The following ESRRG variants were observed in gnomAD, a reference collection of about 807,000 sequenced individuals.
ESRRG encodes estrogen-related receptor gamma.
Under a neutral mutation model 44.0 loss-of-function variants are expected in ESRRG, and 13 were observed. That is an observed-to-expected ratio of 0.30 (90% CI 0.19 to 0.47). ESRRG has a LOEUF of 0.47. Ranked by LOEUF, ESRRG falls within the 20% of genes least tolerant of loss-of-function variation. The pLI, the probability that ESRRG is intolerant of heterozygous loss-of-function variation, is 1.00. For missense variants in ESRRG, 395 were observed against 580.6 expected (o/e 0.68, Z 3.29); for synonymous variants, 215 against 214.6 (o/e 1.00, Z -0.02).
intron 3 of ESRRG, among the ~76,000 whole-genome samples, chr1:216,622,020 G>A (rs940938661): frequency 1.1e-4 from 16 of 152,186 alleles, no homozygotes; most frequent in Non-Finnish European, 2.4e-4. Flanking sequence ...TGAGCTGGAT[G>A]ACTACTGTCT....
chr1:217,125,546 C>T lies in ESRRG; in HGVS notation c.-230+12121G>A, dbSNP rs528462579. On this transcript the variant is annotated intron_variant, in intron 1 of 8. Coordinates refer to the ESRRG transcript ENST00000366940. ...CATGCCATTTTGGTCATTTCTTTTCCTCAAGTGCTTAACATAGTATTTGAT... is the reference window on the plus strand; with the variant it reads ...CATGCCATTTTGGTCATTTCTTTTCTTCAAGTGCTTAACATAGTATTTGAT... 1.8e-4 allele frequency among the ~76,000 whole-genome samples: 28 copies of T among 152,210 alleles called. No individual in the cohort carries two copies. The South Asian group carries it at 5.6e-3, about 30-fold the overall frequency.
At chr1:216,982,054 T>C (rs903570536) in intron 1 of ESRRG, among the ~76,000 whole-genome samples, 1 of 152,164 alleles carries the variant, frequency 6.6e-6, no homozygotes, top group Admixed American at 6.5e-5. Flanking sequence ...ATTCTCCATA[T>C]TTTTCTCCTC....
At chr1:217,022,329 G>T (rs932660090) in intron 1 of ESRRG, among the ~76,000 whole-genome samples, 1 of 152,106 alleles carries the variant, frequency 6.6e-6, no homozygotes, top group African/African-American at 2.4e-5. Flanking sequence ...CAAAATAGGC[G>T]GGTGGAAGGG....
chr1:216,847,969 C>T (rs1010624192), intron 2 of ESRRG, among the ~76,000 whole-genome samples: 6 of 152,092 alleles, frequency 3.9e-5, no homozygotes, highest in Admixed American at 2.0e-4. Context: ...TATAGGACAG[C>T]GTTTCTCGAC....
chr1:216,776,774 A>G (rs1156941170), intron 2 of ESRRG, among the ~76,000 whole-genome samples: 1 of 152,138 alleles, frequency 6.6e-6, no homozygotes, highest in Admixed American at 6.6e-5. Flanking sequence ...AAGACCCCCC[A>G]GTCCTGATCA....
chr1:216,698,322 C>A (rs865951395), intron 1 of ESRRG, among the ~76,000 whole-genome samples: 8 of 151,902 alleles, frequency 5.3e-5, no homozygotes, highest in African/African-American at 1.9e-4. Context: ...TCGAGACCAT[C>A]CTGGCTAACA....
chr1:217,134,262 G>C (rs1046768633), intron 1 of ESRRG, among the ~76,000 whole-genome samples: 1 of 152,162 alleles, frequency 6.6e-6, no homozygotes, highest in Non-Finnish European at 1.5e-5. Context: ...CACCGACACA[G>C]ACTGGCGCTG....
In ESRRG at chr1:216,798,925, T is replaced by C. The variant is rs558715286; in HGVS notation, c.-13-121434A>G. Among the ~76,000 whole-genome samples the C allele has an allele frequency of 6.6e-5, 10 of 152,264 alleles. No individual in the cohort carries two copies. The East Asian group carries it at 1.4e-3, about 21-fold the overall frequency. On this transcript the variant is annotated intron_variant, in intron 2 of 7. Transcript: ENST00000359162. ...ATTAATAATACCAGTTAAGTGATCATGAATAGGTATATAAATCATTGTCAC... is the reference window on the plus strand; with the variant it reads ...ATTAATAATACCAGTTAAGTGATCACGAATAGGTATATAAATCATTGTCAC...
At chr1:216,633,091 C>T (rs1427417224) in intron 3 of ESRRG, among the ~76,000 whole-genome samples, 2 of 152,158 alleles carry the variant, frequency 1.3e-5, no homozygotes, top group Admixed American at 6.5e-5. Context: ...TGTCACCACC[C>T]TAATCCCCTC....
At chr1:216,961,988 T>C (rs1270839912) in intron 1 of ESRRG, among the ~76,000 whole-genome samples, 1 of 152,194 alleles carries the variant, frequency 6.6e-6, no homozygotes, top group Non-Finnish European at 1.5e-5. Context: ...GCAATTATTT[T>C]ACCTAAGAAA....
chr1:216,896,553 C>A (rs919533658), intron 2 of ESRRG, among the ~76,000 whole-genome samples: 1 of 152,090 alleles, frequency 6.6e-6, no homozygotes, highest in Non-Finnish European at 1.5e-5. Flanking sequence ...TAAAAAAAGA[C>A]AAATTACTCC....
At chr1:216,654,097 TG>T (rs1340343562) in intron 2 of ESRRG, among the ~76,000 whole-genome samples, 1 of 149,800 alleles carries the variant, frequency 6.7e-6, no homozygotes, top group Admixed American at 6.7e-5. Context: ...CACTCCAGCC[TG>T]GGCAACAGAG....
chr1:217,040,805 T>A (rs939050596), intron 1 of ESRRG, among the ~76,000 whole-genome samples: 3 of 152,148 alleles, frequency 2.0e-5, no homozygotes, highest in African/African-American at 7.2e-5. Flanking sequence ...AATCCTACTC[T>A]TTGTACTTAT....
At chr1:216,771,491 G>A (rs1392168643) in intron 2 of ESRRG, among the ~76,000 whole-genome samples, 2 of 152,196 alleles carry the variant, frequency 1.3e-5, no homozygotes, top group East Asian at 1.9e-4. Flanking sequence ...TATTCTAATG[G>A]TGTGTGAAAT....
chr1:216,721,822 G>T (rs1349087774), intron 1 of ESRRG, among the ~76,000 whole-genome samples: 1 of 152,188 alleles, frequency 6.6e-6, no homozygotes, highest in African/African-American at 2.4e-5. Context: ...TGAGCGGGCA[G>T]TCTTACCTTT....
intron 1 of ESRRG, among the ~76,000 whole-genome samples, chr1:217,106,624 T>A (rs556783638): frequency 3.9e-4 from 60 of 152,274 alleles, no homozygotes; most frequent in African/African-American, 1.3e-3. Flanking sequence ...AAACAGAAAT[T>A]CCCTTAGCAG....
chr1:216,525,212 G>T (rs2047278287), intron 5 of ESRRG, among the ~76,000 whole-genome samples: 1 of 152,038 alleles, frequency 6.6e-6, no homozygotes, highest in South Asian at 2.1e-4. Context: ...TTTTTTTCCT[G>T]TGAGTGGGAG....
rs773824521 is a variant in ESRRG at position 216,533,472 on chromosome 1, C to G, written c.863-14051G>C. Among the ~76,000 whole-genome samples the G allele has an allele frequency of 2.0e-5, 3 of 152,076 alleles. No individual in the cohort carries two copies. In the South Asian group the frequency reaches 6.2e-4, roughly 31 times the overall value. On this transcript the variant is annotated intron_variant, in intron 5 of 6. Transcript: ENST00000408911. ...TAGGCAGTTAACTGACCCCCTATCT[C>G]AGAGCCTGCATTTATTTAATGTGTA...
intron 1 of ESRRG, among the ~76,000 whole-genome samples, chr1:217,022,173 T>C (rs1369077967): frequency 6.6e-6 from 1 of 152,208 alleles, no homozygotes; most frequent in Non-Finnish European, 1.5e-5. Context: ...CCAAAGCCAT[T>C]CAGCCAAAGG....
Sources: gnomAD v4.1 joint callset for allele counts (sites outside exome capture counted in the v4.1 genomes callset) on GRCh38, gnomAD v4.1.1 for gene constraint, MANE v1.5 for transcripts, NCBI Gene and HGNC (gene_info 2026-07-23, HGNC 2026-07-21) for gene names.